The following NCOR2 variants were observed in gnomAD, a reference collection of about 807,000 sequenced individuals.
NCOR2 encodes the protein CTG repeat protein 26.
In NCOR2, 81 loss-of-function variants were observed where a neutral mutation model predicts 262.9. That is an observed-to-expected ratio of 0.31 (90% CI 0.26 to 0.37). The LOEUF (loss-of-function observed/expected upper bound fraction) is 0.37, where lower values mean the gene tolerates loss of function less well. NCOR2 is among the 10% of genes least tolerant of loss of function. NCOR2 has a pLI of 1.00. For synonymous variants in NCOR2, 1,659 were observed against 1,559.3 expected (o/e 1.06, Z -1.51); for missense variants, 3,385 against 3,621.4 (o/e 0.93, Z 1.68).
intron 40 of NCOR2, 137 bp downstream of exon 42, chr12:124,334,998 G>T: frequency 7.5e-7 from 1 of 1,338,610 alleles, no homozygotes; most frequent in Non-Finnish European, 1.1e-6. Flanking sequence ...CCACGCCCTG[G>T]ATCCCCCCAG....
intron 20 of NCOR2, 75 bp from the exon 23 acceptor site, chr12:124,363,874 G>C (rs943989861): frequency 8.1e-7 from 1 of 1,234,318 alleles, no homozygotes; most frequent in Non-Finnish European, 1.0e-6. Flanking sequence ...GCCCGGTTTT[G>C]ATGGCCTCTC....
chr12:124,330,835 G>C lies in NCOR2; in HGVS notation c.6958+10C>G. On this transcript the variant is annotated intron_variant, in intron 44 of 46. Coordinates refer to ENST00000405201, the Ensembl canonical transcript of NCOR2. ...CAGGGCAGCCATATAGCAAGGGCTG[G>C]ATGGGTTACCTGTTCCGGTGATGGC... The C allele has an allele frequency of 3.8e-6, 6 of 1,572,172 alleles. No homozygotes were observed. The highest frequency in any genetic ancestry group is 5.2e-6 in the Non-Finnish European group (6 of 1,157,982).
intron 5 of NCOR2, among the ~76,000 whole-genome samples, chr12:124,459,281 T>A (rs2046040452): frequency 1.3e-5 from 2 of 152,092 alleles, no homozygotes; most frequent in African/African-American, 4.8e-5. Context: ...AGCTAGCACC[T>A]AGAGAGCAAG....
chr12:124,336,631 A>C (rs2035932997), intron 38 of NCOR2, 122 bp downstream of exon 40: 1 of 1,501,738 alleles, frequency 6.7e-7, no homozygotes, highest in Non-Finnish European at 8.9e-7. Flanking sequence ...GCGGGCCGGA[A>C]GTCTTACCAT....
chr12:124,402,807 A>G (rs1354763573), intron 13 of NCOR2, among the ~76,000 whole-genome samples: 3 of 152,094 alleles, frequency 2.0e-5, no homozygotes, highest in Non-Finnish European at 2.9e-5. Flanking sequence ...GGCAGGAAGC[A>G]TTGGTGTCAG....
chr12:124,370,174 T>C (rs1460352579), intron 20 of NCOR2, among the ~76,000 whole-genome samples: 1 of 152,082 alleles, frequency 6.6e-6, no homozygotes, highest in East Asian at 1.9e-4. Flanking sequence ...ATGAACACTG[T>C]TTTCCAAGCT....
intron 16 of NCOR2, among the ~76,000 whole-genome samples, chr12:124,390,875 G>A (rs1408141780): frequency 6.6e-6 from 1 of 152,276 alleles, no homozygotes; most frequent in Non-Finnish European, 1.5e-5. Context: ...AAGTGAAATT[G>A]ACCAAGACAG....
intron 7 of NCOR2, among the ~76,000 whole-genome samples, chr12:124,439,199 C>A (rs1322824356): frequency 1.2e-4 from 16 of 130,644 alleles, no homozygotes; most frequent in South Asian, 2.5e-4. Flanking sequence ...AGACGGAGAC[C>A]CAGAGACAGA....
intron 5 of NCOR2, among the ~76,000 whole-genome samples, chr12:124,462,527 C>T (rs978588385): frequency 1.3e-5 from 2 of 152,216 alleles, no homozygotes; most frequent in Non-Finnish European, 2.9e-5. Flanking sequence ...TCAGAGGACG[C>T]GTGCAGCAGC....
In NCOR2 at chr12:124,475,544, C is replaced by T. The variant is rs574457413; in HGVS notation, c.412-2413G>A. Among the ~76,000 whole-genome samples the T allele has an allele frequency of 4.6e-5, 7 of 152,340 alleles. No homozygotes were observed. The South Asian group carries it at 1.4e-3, about 32-fold the overall frequency. ...CAAGGTCTCTGTCTCATCTACTCAC[C>T]CCTGCCATTGTATTGCAAAAGCAGC... On this transcript the variant is annotated intron_variant, in intron 3 of 46. Coordinates refer to ENST00000405201, the Ensembl canonical transcript of NCOR2.
intron 6 of NCOR2, among the ~76,000 whole-genome samples, chr12:124,451,718 G>C (rs2045552562): frequency 6.6e-6 from 1 of 152,174 alleles, no homozygotes; most frequent in South Asian, 2.1e-4. Flanking sequence ...GGGAAGGATG[G>C]AGACGTGGAG....
chr12:124,330,789 T>G (rs1593074239), intron 44 of NCOR2, 56 bp downstream of exon 46: 2 of 1,526,232 alleles, frequency 1.3e-6, no homozygotes, highest in Admixed American at 3.9e-5. Context: ...GGAGCAGGGG[T>G]GGGGAGGGAG....
At chr12:124,556,027 T>A (rs184009459) in intron 1 of NCOR2, 17 of 152,376 alleles carry the variant, frequency 1.1e-4, no homozygotes, top group African/African-American at 4.1e-4. Flanking sequence ...ATTATGCCCA[T>A]TTTATAGATG....
Position 124,378,149 on chromosome 12 carries a change from G to A in NCOR2, c.2167+88C>T. The A allele has an allele frequency of 6.5e-7, 1 of 1,539,974 alleles. No homozygotes were observed. The highest frequency in any genetic ancestry group is 8.7e-7 in the Non-Finnish European group (1 of 1,143,782). ...AGGACCCAGATGACTCAGGGGAGAG[G>A]AGGCTGCCGGGATCAGTTCCCGCTA... On this transcript the variant is annotated intron_variant, in intron 18 of 46. Coordinates refer to ENST00000405201, the Ensembl canonical transcript of NCOR2. This position sits in a 1 kb window ranked among gnomAD's most constrained non-coding sequence, Gnocchi z 4.2.
exon 25 of NCOR2, chr12:124,354,885 C>A (rs1312773415): frequency 3.7e-6 from 6 of 1,612,242 alleles, no homozygotes; most frequent in Non-Finnish European, 5.1e-6. Flanking sequence ...GTGACAGGGC[C>A]CACCGGGGCC....
chr12:124,558,429 G>A (rs1246156530), intron 1 of NCOR2, among the ~76,000 whole-genome samples: 1 of 152,214 alleles, frequency 6.6e-6, no homozygotes, highest in African/African-American at 2.4e-5. Flanking sequence ...AGCCCTGCAG[G>A]CTGATGAGGT....
intron 5 of NCOR2, 49 bp downstream of exon 7, chr12:124,466,124 G>T (rs373356831): frequency 6.5e-7 from 1 of 1,527,268 alleles, no homozygotes; most frequent in Non-Finnish European, 8.9e-7. Flanking sequence ...CCTGTGAAGC[G>T]CCTCATGGCC....
intron 45 of NCOR2, among the ~76,000 whole-genome samples, 196 bp downstream of exon 47, chr12:124,327,213 C>T (rs974911558): frequency 6.6e-6 from 1 of 151,924 alleles, no homozygotes; most frequent in Non-Finnish European, 1.5e-5. Context: ...GGCTGGGGGG[C>T]AGAGGGTACA....
chr12:124,405,936 T>C (rs1172324941), intron 13 of NCOR2, among the ~76,000 whole-genome samples: 1 of 152,066 alleles, frequency 6.6e-6, no homozygotes, highest in Non-Finnish European at 1.5e-5. Flanking sequence ...CCCATGACAT[T>C]GGCTGCACAC....
Sources: gnomAD v4.1 joint callset for allele counts (sites outside exome capture counted in the v4.1 genomes callset) on GRCh38, gnomAD v4.1.1 for gene constraint, Gnocchi (gnomAD v3.1) non-coding constraint, MANE v1.5 for transcripts, NCBI Gene and HGNC (gene_info 2026-07-23, HGNC 2026-07-21) for gene names.